Variants in GYG2 observed in about 807,000 individuals in gnomAD.
GYG2 encodes glycogenin-2.
Under a neutral mutation model 29.4 loss-of-function variants are expected in GYG2, and 29 were observed. That is an observed-to-expected ratio of 0.99 (90% CI 0.74 to 1.35). GYG2 has a LOEUF of 1.35. Ranked by LOEUF, GYG2 falls within the 40% of genes most tolerant of loss-of-function variation. The probability of loss-of-function intolerance (pLI) is 0.00; values close to 1 mark genes in which losing one functional copy is unlikely to be tolerated. For synonymous variants in GYG2, 167 were observed against 172.3 expected (o/e 0.97, Z 0.24); for missense variants, 370 against 385.7 (o/e 0.96, Z 0.34).
chrX:2,830,603 G>A (rs776918774), intron 2 of GYG2, among the ~76,000 whole-genome samples: 9 of 111,777 alleles, frequency 8.1e-5, no homozygotes, highest in African/African-American at 1.6e-4. Context: ...CTCAGACCAC[G>A]GTTTTAATTT....
intron 3 of GYG2, among the ~76,000 whole-genome samples, chrX:2,846,142 G>A (rs1255074629): frequency 1.1e-5 from 1 of 88,542 alleles, no homozygotes; most frequent in African/African-American, 4.3e-5. Context: ...TCTTGGCTCA[G>A]TGCAACCTCC....
chrX:2,833,653 G>C (rs1050802183), intron 2 of GYG2, among the ~76,000 whole-genome samples: 2 of 111,484 alleles, frequency 1.8e-5, no homozygotes, highest in African/African-American at 6.5e-5. Flanking sequence ...AAGCCCATGC[G>C]CATGGTTATC....
At chrX:2,857,862 A>AT (rs1233569015) in intron 6 of GYG2, among the ~76,000 whole-genome samples, 1 of 110,278 alleles carries the variant, frequency 9.1e-6, no homozygotes, top group Non-Finnish European at 1.9e-5. Context: ...TGAAGATGTG[A>AT]TTTTTTTCCC....
chrX:2,830,327 T>G, intron 2 of GYG2, 132 bp downstream of exon 2: 1 of 559,502 alleles, frequency 1.8e-6, no homozygotes, highest in Non-Finnish European at 3.0e-6. Flanking sequence ...CCTTACTGCC[T>G]CGCCCAGGTC....
chrX:2,861,051 C>T (rs746912037), intron 7 of GYG2, among the ~76,000 whole-genome samples: 1 of 109,691 alleles, frequency 9.1e-6, no homozygotes, highest in East Asian at 2.9e-4. Context: ...TTAACTAGAG[C>T]ATTTGCTAGT....
chrX:2,862,104 T>G (rs141114681), intron 8 of GYG2, among the ~76,000 whole-genome samples: 1 of 108,499 alleles, frequency 9.2e-6, no homozygotes, highest in Non-Finnish European at 1.9e-5. Context: ...AGAGAAGGAG[T>G]GTGAAGCTGG....
intron 2 of GYG2, among the ~76,000 whole-genome samples, chrX:2,836,854 C>A (rs1480181900): frequency 9.1e-6 from 1 of 110,475 alleles, no homozygotes; most frequent in South Asian, 3.9e-4. Context: ...GCGGTCCCTG[C>A]TACTCAGGAG....
chrX:2,836,746 G>T (rs934017320), intron 2 of GYG2, among the ~76,000 whole-genome samples: 2 of 109,243 alleles, frequency 1.8e-5, no homozygotes, highest in Non-Finnish European at 3.8e-5. Flanking sequence ...GCTGAGGCGG[G>T]TAGATTGCCT....
At chrX:2,837,838 TACACAC>T (rs10578668) in intron 2 of GYG2, among the ~76,000 whole-genome samples, 4,202 of 100,287 alleles carry the variant, frequency 0.042, 162 homozygotes, top group African/African-American at 0.12. Context: ...TGCAATTAAA[TACACAC>T]ACACACACAC....
chrX:2,875,665 A>G, intron 8 of GYG2, 145 bp from the exon 9 acceptor site: 1 of 456,699 alleles, frequency 2.2e-6, no homozygotes, highest in Non-Finnish European at 3.8e-6. Context: ...ATTGGTGAGC[A>G]TATCACCTTG....
In GYG2 at chrX:2,855,119, C is replaced by A; in HGVS notation, c.451C>A (p.Leu151Met). Reference protein sequence around the residue: ...FQPSLHTHKLLLQHAMEHGSF... With the variant: ...FQPSLHTHKLMLQHAMEHGSF... ...GCCTTCTCTCCACACGCATAAACTC[C>A]TGCTACAGCACGCCATGGAACACGG... is the stretch of plus-strand genomic sequence containing the variant. Residue 151 changes from leucine (L) to methionine (M), a missense_variant, in exon 5 of 11, where the codon CTG becomes ATG. Transcript: ENST00000398806. The A allele has an allele frequency of 8.3e-7, 1 of 1,211,567 alleles. No individual in the cohort carries two copies. Among genetic ancestry groups the A allele is most frequent in the African/African-American group, 1.7e-5 (1 of 57,839 alleles).
In GYG2 at chrX:2,855,013, G is replaced by A. The variant is rs137923496; in HGVS notation, c.345G>A (p.Glu115=). Residue 115 remains glutamate (E), a synonymous_variant, in exon 5 of 11, where the codon GAG becomes GAA. Transcript: ENST00000398806. ...ACCAGGTGCTGTCCAATGTCGATGA[G>A]CTGTTTGACAGGGGAGAGTTTTCTG... is the stretch of plus-strand genomic sequence containing the variant. ...ADTLVLSNVD[E]LFDRGEFSAA... 2,240 of 1,210,216 alleles carry A rather than the reference G, an allele frequency of 1.9e-3. 48 individuals are homozygous for A. In the East Asian group the frequency reaches 0.056, roughly 30 times the overall value.
intron 5 of GYG2, among the ~76,000 whole-genome samples, chrX:2,855,533 C>T (rs1015032760): frequency 7.1e-5 from 8 of 112,196 alleles, no homozygotes; most frequent in Non-Finnish European, 1.3e-4. Context: ...TATGGGACCA[C>T]CGTCAGATGT....
At chrX:2,868,171 C>G (rs1262828030) in intron 8 of GYG2, among the ~76,000 whole-genome samples, 2 of 110,754 alleles carry the variant, frequency 1.8e-5, no homozygotes, top group Non-Finnish European at 3.8e-5. Flanking sequence ...GACTGCAACA[C>G]AGATACGAAA....
intron 6 of GYG2, among the ~76,000 whole-genome samples, chrX:2,858,674 T>C (rs546811383): frequency 1.8e-5 from 2 of 111,781 alleles, no homozygotes; most frequent in African/African-American, 6.5e-5. Flanking sequence ...GGAAGAGAAA[T>C]TGATTCTTGG....
chrX:2,837,609 C>A (rs1012154645), intron 2 of GYG2, among the ~76,000 whole-genome samples: 2 of 110,556 alleles, frequency 1.8e-5, no homozygotes, highest in Non-Finnish European at 3.8e-5. Context: ...GGATGCACTC[C>A]TTTTCCTTTC....
intron 8 of GYG2, among the ~76,000 whole-genome samples, chrX:2,870,036 G>A (rs778445441): frequency 1.2e-4 from 13 of 109,815 alleles, no homozygotes; most frequent in South Asian, 7.7e-4. Context: ...CTTCTCCAGC[G>A]TTTTGTCTTC....
At chrX:2,874,150 A>T in intron 8 of GYG2, among the ~76,000 whole-genome samples, 1 of 112,453 alleles carries the variant, frequency 8.9e-6, no homozygotes, top group Middle Eastern at 4.7e-3. Context: ...GAGTTAGAAT[A>T]GTCAAATTAA....
At chrX:2,869,795 C>G (rs1162724237) in intron 8 of GYG2, among the ~76,000 whole-genome samples, 1 of 111,588 alleles carries the variant, frequency 9.0e-6, no homozygotes, top group Non-Finnish European at 1.9e-5. Flanking sequence ...GGAGGTGCCA[C>G]CACACCTGGC....
Sources: gnomAD v4.1 joint callset for allele counts (sites outside exome capture counted in the v4.1 genomes callset) on GRCh38, gnomAD v4.1.1 for gene constraint, MANE v1.5 for transcripts, NCBI Gene and HGNC (gene_info 2026-07-23, HGNC 2026-07-21) for gene names.